The following CACNA1H variants were observed in gnomAD, a reference collection of about 807,000 sequenced individuals.
CACNA1H encodes the protein calcium voltage-gated channel subunit alpha1 H.
In CACNA1H, 149 loss-of-function variants were observed where a neutral mutation model predicts 192.5. The observed-to-expected ratio is 0.77, with a 90% confidence interval of 0.68 to 0.89. The LOEUF is 0.89. Among genes scored for constraint, CACNA1H ranks in the 40% least tolerant of loss-of-function variants. The pLI is 0.00. For synonymous variants in CACNA1H, 2,202 were observed against 1,475.2 expected, an observed-to-expected ratio of 1.49 and a Z score of -11.29; for missense variants, 4,257 against 3,423.5, an observed-to-expected ratio of 1.24 and a Z score of -6.08.
At position 1,218,954 on chromosome 16, in the gene CACNA1H, T is replaced by C. The variant is rs965860206; in HGVS notation, c.5888-16T>C. On this transcript the variant is annotated splice_polypyrimidine_tract_variant and intron_variant, in intron 33 of 34. Coordinates refer to ENST00000348261, the MANE Select transcript of CACNA1H (RefSeq NM_021098.3). Reference sequence around the variant, plus strand: ...GCAGGGGCAGAGCTGCCAGCTTAGATTCTTCCCTGCCCCAGGCTCCGTTGC... The same window carrying C: ...GCAGGGGCAGAGCTGCCAGCTTAGACTCTTCCCTGCCCCAGGCTCCGTTGC... 2 of 1,549,188 alleles carry C rather than the reference T, an allele frequency of 1.3e-6. No homozygotes were observed. The highest frequency in any genetic ancestry group is 2.7e-5 in the African/African-American group (2 of 72,938).
At chr16:1,182,447 G>A (rs1965570373) in intron 2 of CACNA1H, among the ~76,000 whole-genome samples, 1 of 152,124 alleles carries the variant, frequency 6.6e-6, no homozygotes, top group African/African-American at 2.4e-5. Context: ...CGCTGGGGGC[G>A]GTGCTCTCCC....
At chr16:1,154,751 C>T (rs1343383320) in intron 2 of CACNA1H, among the ~76,000 whole-genome samples, 1 of 152,184 alleles carries the variant, frequency 6.6e-6, no homozygotes, top group East Asian at 1.9e-4. Context: ...CTTCTACTCT[C>T]GGCCAGAGCG....
At position 1,198,602 on chromosome 16, in the gene CACNA1H, C is replaced by T. The variant is rs1043570208; in HGVS notation, c.644-13C>T. On this transcript the variant is annotated splice_polypyrimidine_tract_variant and intron_variant, in intron 5 of 34. Coordinates refer to ENST00000348261, the MANE Select transcript of CACNA1H (RefSeq NM_021098.3). ...GGGCTTAGCAGTGCCAATCCTGGCC[C>T]TGCTGCCCACAGGCATGCGGATCCT... The T allele has an allele frequency of 1.9e-6, 3 of 1,611,836 alleles. No individual in the cohort carries two copies. The highest frequency in any genetic ancestry group is 2.7e-5 in the African/African-American group (2 of 74,880).
Position 1,153,240 on chromosome 16 carries a change from C to T in CACNA1H, c.-249C>T, listed in dbSNP as rs1424760865. The T allele has an allele frequency of 1.4e-5, 2 of 145,652 alleles. No individual in the cohort carries two copies. The highest frequency in any genetic ancestry group is 3.1e-5 in the Non-Finnish European group (2 of 65,314). The allele number at this position is 145,652 out of a possible 1,614,324, so 9.0% of individuals were successfully genotyped here. A position where few individuals can be genotyped will look rare whatever the true frequency, so the allele number is the denominator to read the frequency against. ...TCCGCTCAGCGGCCTCCACGCCGCG[C>T]CGAGGCCGCCGCCGTCGCCTCCGCC... On this transcript the variant is annotated 5_prime_UTR_variant, in exon 1 of 35. Coordinates refer to ENST00000348261, the MANE Select transcript of CACNA1H (RefSeq NM_021098.3).
intron 2 of CACNA1H, chr16:1,157,860 C>G: frequency 6.6e-6 from 1 of 152,296 alleles, no homozygotes; most frequent in Non-Finnish European, 1.5e-5. Context: ...CCCGTCCCTT[C>G]TGCCTGGGTG....
Position 1,220,836 on chromosome 16 carries a change from C to T in CACNA1H, c.6904C>T (p.Pro2302Ser), listed in dbSNP as rs751036176. 6.2e-6 allele frequency: 10 copies of T among 1,612,766 alleles called. No homozygotes were observed. In the South Asian group the frequency reaches 6.6e-5, roughly 11 times the overall value. The change falls in exon 35 of 35, where the codon CCC (proline) becomes TCC (serine). Residue 2302 changes from proline (P) to serine (S), a missense_variant. Transcript: ENST00000348261. ...SRASSSGAIVPLEPPESEPPM... is the reference protein window; with the variant it reads ...SRASSSGAIVSLEPPESEPPM... ...AGCTTCCTCTTCAGGGGCCATAGTG[C>T]CCCTGGAACCCCCAGAATCAGAGCC...
At chr16:1,199,838 C>G (rs541973804) in intron 6 of CACNA1H, among the ~76,000 whole-genome samples, 38 of 152,102 alleles carry the variant, frequency 2.5e-4, no homozygotes, top group African/African-American at 8.7e-4. Flanking sequence ...CTTCCCTCCC[C>G]TCGTCCCTTG....
intron 2 of CACNA1H, among the ~76,000 whole-genome samples, chr16:1,163,701 T>C (rs1056388023): frequency 3.9e-5 from 6 of 152,296 alleles, no homozygotes; most frequent in Non-Finnish European, 7.4e-5. Context: ...GGCCGCTGTG[T>C]CTGAGGATGG....
At chr16:1,197,772 C>G (rs181870703) in intron 5 of CACNA1H, among the ~76,000 whole-genome samples, 1 of 152,232 alleles carries the variant, frequency 6.6e-6, no homozygotes, top group Non-Finnish European at 1.5e-5. Flanking sequence ...TGGGTGAGAA[C>G]TCAGCGTCCC....
In CACNA1H at chr16:1,163,599, G is replaced by C. The variant is rs373896927; in HGVS notation, c.299+9563G>C. Reference sequence around the variant, plus strand: ...GTCCCTGCCCTGGTCTTTGCGGGCAGCCGCCAGCCCTGGCTGTGGTCTGAT... The same window carrying C: ...GTCCCTGCCCTGGTCTTTGCGGGCACCCGCCAGCCCTGGCTGTGGTCTGAT... On this transcript the variant is annotated intron_variant, in intron 2 of 34. Transcript: ENST00000348261. 2.2e-4 allele frequency among the ~76,000 whole-genome samples: 33 copies of C among 152,400 alleles called. No homozygotes were observed. The East Asian group carries it at 5.4e-3, about 25-fold the overall frequency.
At position 1,218,303 on chromosome 16, in the gene CACNA1H, G is replaced by A; in HGVS notation, c.5539G>A (p.Ala1847Thr). The A allele has an allele frequency of 1.9e-6, 3 of 1,555,016 alleles. No homozygotes were observed. The highest frequency in any genetic ancestry group is 2.4e-5 in the East Asian group (1 of 41,146). The change falls in exon 33 of 35, where the codon GCC becomes ACC. Residue 1847 changes from alanine (A) to threonine (T), a missense_variant. Ala to Thr is a moderately conservative substitution (Grantham distance 58, BLOSUM62 0). Transcript: ENST00000348261. ...CTACTTCGTGACCTTCGTGCTGGTG[G>A]CCCAGTTCGTGCTGGTGAACGTGGT... ...PVYFVTFVLV[A>T]QFVLVNVVVA... is the part of the protein sequence containing the mutation.
intron 2 of CACNA1H, among the ~76,000 whole-genome samples, chr16:1,160,935 C>A (rs542956093): frequency 1.3e-5 from 2 of 152,128 alleles, no homozygotes; most frequent in Admixed American, 6.5e-5. Flanking sequence ...TGCGGCCCCC[C>A]CCCAGCCTCG....
intron 34 of CACNA1H, among the ~76,000 whole-genome samples, chr16:1,219,730 C>A (rs945225557): frequency 6.6e-5 from 10 of 152,178 alleles, no homozygotes; most frequent in Non-Finnish European, 1.0e-4. Context: ...GCTCTGTGCC[C>A]CTGGGGGCCA....
Position 1,218,455 on chromosome 16 carries a change from C to A in CACNA1H, c.5691C>A (p.Asp1897Glu). 2 of 1,551,786 alleles carry A rather than the reference C, an allele frequency of 1.3e-6. No homozygotes were observed. The highest frequency in any genetic ancestry group is 1.7e-6 in the Non-Finnish European group (2 of 1,148,036). Reference sequence around the variant, plus strand: ...GGAGTGCACGCCGGGTGGACGCGGACAGGCCTCCCTTGCCCCAGGAGAGTC... The same window carrying A: ...GGAGTGCACGCCGGGTGGACGCGGAAAGGCCTCCCTTGCCCCAGGAGAGTC... The part of the protein sequence containing the change: ...GPGSARRVDA[D>E]RPPLPQESPG... The change falls in exon 33 of 35, where the codon GAC (aspartate) becomes GAA (glutamate). Residue 1897 changes from aspartate (D) to glutamate (E), a missense_variant. Asp to Glu is a conservative substitution (Grantham distance 45). Coordinates refer to ENST00000348261, the MANE Select transcript of CACNA1H (RefSeq NM_021098.3).
In CACNA1H at chr16:1,153,261, C is replaced by T. The variant is rs1233366602; in HGVS notation, c.-228C>T. 7 of 145,260 alleles carry T rather than the reference C, an allele frequency of 4.8e-5. No homozygotes were observed. The highest frequency in any genetic ancestry group is 3.8e-3 in the Middle Eastern group (1 of 266). 9.0% of individuals were successfully genotyped at this position (145,260 alleles called of 1,614,324 possible). On this transcript the variant is annotated 5_prime_UTR_variant, in exon 1 of 35. Coordinates refer to ENST00000348261, the MANE Select transcript of CACNA1H (RefSeq NM_021098.3). Reference sequence around the variant, plus strand: ...CGCGCCGAGGCCGCCGCCGTCGCCTCCGCCGGGCGAGCCGGAGCCGGAGTC... The same window carrying T: ...CGCGCCGAGGCCGCCGCCGTCGCCTTCGCCGGGCGAGCCGGAGCCGGAGTC...
At chr16:1,161,825 C>G (rs887909872) in intron 2 of CACNA1H, among the ~76,000 whole-genome samples, 1 of 152,198 alleles carries the variant, frequency 6.6e-6, no homozygotes, top group African/African-American at 2.4e-5. Flanking sequence ...TGAGCAGCAC[C>G]CGGACCTCCT....
intron 2 of CACNA1H, among the ~76,000 whole-genome samples, chr16:1,181,126 G>A (rs1051353006): frequency 5.9e-5 from 9 of 152,354 alleles, no homozygotes; most frequent in African/African-American, 2.2e-4. Context: ...CCACAGGCCC[G>A]TCCCAGGGGC....
At chr16:1,197,584 AG>A (rs1343535692) in intron 5 of CACNA1H, among the ~76,000 whole-genome samples, 1 of 152,222 alleles carries the variant, frequency 6.6e-6, no homozygotes, top group Non-Finnish European at 1.5e-5. Flanking sequence ...TCTGTTGGCT[AG>A]GGGTCCACTC....
In CACNA1H at chr16:1,199,089, G is replaced by T. The variant is rs1443173935; in HGVS notation, c.803+315G>T. Among the ~76,000 whole-genome samples the T allele has an allele frequency of 7.8e-5, 4 of 51,112 alleles. 1 individual carries two copies. The highest frequency in any genetic ancestry group is 7.9e-5 in the Non-Finnish European group (2 of 25,258). The allele number at this position is 51,112 out of a possible 152,430, so 33.5% of individuals were successfully genotyped here. A position where few individuals can be genotyped will look rare whatever the true frequency, so the allele number is the denominator to read the frequency against. On this transcript the variant is annotated intron_variant, in intron 6 of 34. Coordinates refer to ENST00000348261, the MANE Select transcript of CACNA1H (RefSeq NM_021098.3). Reference sequence around the variant, plus strand: ...CACATATGCCCCACCCCCCACCATGGCTCTGCCCACCACGCAGTCGCTGCA... The same window carrying T: ...CACATATGCCCCACCCCCCACCATGTCTCTGCCCACCACGCAGTCGCTGCA...
Sources: allele counts gnomAD v4.1 joint callset (sites outside exome capture counted in the v4.1 genomes callset), GRCh38; gene constraint gnomAD v4.1.1; transcripts MANE v1.5; gene names NCBI Gene and HGNC (gene_info 2026-07-23, HGNC 2026-07-21).